The following SLX9 variants were observed in gnomAD, a reference collection of about 807,000 sequenced individuals.
SLX9 encodes the protein SLX9 ribosome biogenesis factor, also known as ribosome biogenesis protein SLX9 homolog.
Under a neutral mutation model 20.8 loss-of-function variants are expected in SLX9, and 19 were observed. The observed-to-expected ratio is 0.91, with a 90% CI of 0.64 to 1.34. The LOEUF (loss-of-function observed/expected upper bound fraction) is 1.34. SLX9 is among the 40% of genes most tolerant of loss of function. SLX9 has a pLI of 0.00. For missense variants in SLX9, 299 were observed against 322.2 expected, an observed-to-expected ratio of 0.93 and a Z score of 0.55; for synonymous variants, 113 against 137.1, an observed-to-expected ratio of 0.82 and a Z score of 1.23.
intron 2 of SLX9, among the ~76,000 whole-genome samples, chr21:44,949,206 C>T (rs567877693): frequency 6.6e-6 from 1 of 152,306 alleles, no homozygotes; most frequent in African/African-American, 2.4e-5. Context: ...CTGCTTGCTC[C>T]CGCTCCTGCT....
chr21:44,969,488 C>T (rs953711375), intron 4 of SLX9, among the ~76,000 whole-genome samples: 3 of 152,222 alleles, frequency 2.0e-5, no homozygotes, highest in Non-Finnish European at 4.4e-5. Context: ...CATCTGCTCT[C>T]AGCCCTGAGA....
intron 2 of SLX9, among the ~76,000 whole-genome samples, chr21:44,945,829 G>A (rs141455974): frequency 0.019 from 2,820 of 152,350 alleles, 87 homozygotes; most frequent in African/African-American, 0.064. Context: ...CCCTGCCTCA[G>A]CCTCCTGAGT....
intron 4 of SLX9, among the ~76,000 whole-genome samples, chr21:44,971,192 G>C (rs963076517): frequency 5.8e-5 from 2 of 34,408 alleles, no homozygotes; most frequent in African/African-American, 1.3e-4. Context: ...TGGTGGTGAC[G>C]CCGCTGCTCC....
chr21:44,976,814 G>A lies in SLX9; in HGVS notation c.*11G>A, dbSNP rs561445912. ...GGCGGCCAGCTCTGACCAGGGCAGC[G>A]GGCATGCCACAACTCCTCAGGACAC... On this transcript the variant is annotated 3_prime_UTR_variant, in exon 6 of 6. Transcript: ENST00000291634. The A allele has an allele frequency of 4.5e-5, 69 of 1,541,018 alleles. No individual in the cohort carries two copies. The Admixed American group carries it at 1.0e-3, about 23-fold the overall frequency.
chr21:44,974,405 G>A (rs370111328), intron 5 of SLX9, among the ~76,000 whole-genome samples: 26 of 152,096 alleles, frequency 1.7e-4, no homozygotes, highest in Middle Eastern at 3.4e-3. Flanking sequence ...TTATTGTCTC[G>A]GCCCTTCTTC....
chr21:44,959,108 C>T (rs982638863), intron 2 of SLX9: 4 of 612,270 alleles, frequency 6.5e-6, no homozygotes, highest in Non-Finnish European at 8.2e-6. Flanking sequence ...TTAAATCCTG[C>T]GGGAGCCCTG....
At chr21:44,948,131 T>C (rs1321052463) in intron 2 of SLX9, among the ~76,000 whole-genome samples, 1 of 152,198 alleles carries the variant, frequency 6.6e-6, no homozygotes, top group Non-Finnish European at 1.5e-5. Context: ...CTCCAATCCT[T>C]GGCATCGGAC....
chr21:44,948,042 C>G (rs2084676600), intron 2 of SLX9, among the ~76,000 whole-genome samples: 1 of 152,264 alleles, frequency 6.6e-6, no homozygotes, highest in African/African-American at 2.4e-5. Flanking sequence ...GTGGCCAGCT[C>G]TAGCTGGCTT....
intron 2 of SLX9, among the ~76,000 whole-genome samples, chr21:44,955,780 C>T (rs2084846384): frequency 1.3e-5 from 2 of 152,188 alleles, no homozygotes; most frequent in Admixed American, 6.5e-5. Flanking sequence ...TTTTGTTGTC[C>T]GATGCACCCA....
At position 44,943,788 on chromosome 21, in the gene SLX9, G is replaced by A; in HGVS notation, c.234G>A (p.Arg78=). The change falls in exon 2 of 6, where the codon AGG becomes AGA. Residue 78 remains arginine (R), a synonymous_variant. Transcript: ENST00000291634. ...ELDVRSVTSV[R]RGEAGSSARS... The stretch of plus-strand genomic sequence containing the variant: ...ACGTGAGGAGTGTCACTTCCGTCAG[G>A]AGAGGTGAGGCAGGCTCGAGTGCAC... The A allele has an allele frequency of 6.2e-7, 1 of 1,613,148 alleles. No individual in the cohort carries two copies. The highest frequency in any genetic ancestry group is 8.5e-7 in the Non-Finnish European group (1 of 1,179,974).
intron 2 of SLX9, among the ~76,000 whole-genome samples, chr21:44,947,666 AC>A (rs2084668888): frequency 6.6e-6 from 1 of 150,448 alleles, no homozygotes; most frequent in Non-Finnish European, 1.5e-5. Context: ...GCCACATCTG[AC>A]CCCCTGTTCC....
At chr21:44,952,679 C>T (rs1036361856) in intron 2 of SLX9, among the ~76,000 whole-genome samples, 3 of 152,222 alleles carry the variant, frequency 2.0e-5, no homozygotes, top group Non-Finnish European at 2.9e-5. Flanking sequence ...ACGGGACCCT[C>T]CCTCGTTTGG....
chr21:44,972,069 A>T (rs557758825), intron 4 of SLX9, among the ~76,000 whole-genome samples: 5 of 152,322 alleles, frequency 3.3e-5, no homozygotes, highest in African/African-American at 9.6e-5. Context: ...AATGTCTGTC[A>T]TTCATATTTT....
chr21:44,948,513 G>T (rs2084692178), intron 2 of SLX9, among the ~76,000 whole-genome samples: 1 of 152,238 alleles, frequency 6.6e-6, no homozygotes, highest in Non-Finnish European at 1.5e-5. Flanking sequence ...CCTGTTTTCA[G>T]ACAGGCACTT....
At chr21:44,970,492 A>G (rs1426060646) in intron 4 of SLX9, among the ~76,000 whole-genome samples, 3 of 151,994 alleles carry the variant, frequency 2.0e-5, no homozygotes, top group Non-Finnish European at 4.4e-5. Context: ...CTGTTTCTCT[A>G]GGGAGCCCTG....
At chr21:44,941,880 C>T (rs1466486967) in intron 1 of SLX9, among the ~76,000 whole-genome samples, 1 of 152,202 alleles carries the variant, frequency 6.6e-6, no homozygotes, top group Non-Finnish European at 1.5e-5. Flanking sequence ...TGAGAGCCCT[C>T]ACACGAGCTG....
intron 3 of SLX9, among the ~76,000 whole-genome samples, chr21:44,965,549 A>C (rs78433392): frequency 0.012 from 1,878 of 152,200 alleles, 19 homozygotes; most frequent in Middle Eastern, 0.041. Context: ...AATTTTTCTC[A>C]TGCGTGGGCA....
chr21:44,943,132 G>T (rs114883312), intron 1 of SLX9, among the ~76,000 whole-genome samples: 6 of 151,914 alleles, frequency 3.9e-5, no homozygotes, highest in African/African-American at 1.5e-4. Context: ...GGTCAGGGAC[G>T]GGGGGGTTCT....
chr21:44,969,843 A>G (rs904891212), intron 4 of SLX9, among the ~76,000 whole-genome samples: 1 of 152,248 alleles, frequency 6.6e-6, no homozygotes, highest in Admixed American at 6.5e-5. Flanking sequence ...CCCACGTGAC[A>G]TTCAGATGTC....
Sources: allele counts gnomAD v4.1 joint callset (sites outside exome capture counted in the v4.1 genomes callset), GRCh38; gene constraint gnomAD v4.1.1; transcripts MANE v1.5; gene names NCBI Gene and HGNC (gene_info 2026-07-23, HGNC 2026-07-21).